GTPBP6: variants seen among roughly 807,000 people sequenced by gnomAD.
The protein encoded by GTPBP6 is putative GTP-binding protein 6.
In GTPBP6, 33 loss-of-function variants were observed where a neutral mutation model predicts 28.9. That is an observed-to-expected ratio of 1.14 (90% CI 0.87 to 1.53). The LOEUF (loss-of-function observed/expected upper bound fraction) is 1.53. Ranked by LOEUF, GTPBP6 falls within the 40% of genes most tolerant of loss-of-function variation. The probability of loss-of-function intolerance (pLI) is 0.00; values close to 1 mark genes in which losing one functional copy is unlikely to be tolerated. For missense variants in GTPBP6, 507 were observed against 408.3 expected (o/e 1.24, Z -2.08); for synonymous variants, 231 against 192.7 (o/e 1.20, Z -1.65).
At chrX:311,398 C>T (rs369569046) in intron 7 of GTPBP6, 21 bp downstream of exon 7, 2 of 1,580,630 alleles carry the variant, frequency 1.3e-6, no homozygotes, top group East Asian at 2.3e-5. Context: ...AGCACCCGAT[C>T]CCCGGCCGTC....
intron 4 of GTPBP6, 30 bp downstream of exon 4, chrX:314,860 G>A (rs1280658277): frequency 5.0e-6 from 2 of 399,602 alleles, no homozygotes; most frequent in East Asian, 3.6e-5. Context: ...TGGACGTGAC[G>A]CTCGGCGCGG....
chrX:307,907 C>G, intron 7 of GTPBP6, 27 bp from the exon 8 acceptor site: 1 of 1,479,262 alleles, frequency 6.8e-7, no homozygotes. Context: ...GGGGTCAGAG[C>G]TGCGGAGCCT....
intron 6 of GTPBP6, 113 bp from the exon 7 acceptor site, chrX:311,740 G>T: frequency 4.8e-6 from 4 of 841,986 alleles, no homozygotes; most frequent in Non-Finnish European, 5.9e-6. Flanking sequence ...GCCGCACCCC[G>T]GGCTACACGG....
At chrX:316,343 A>AC (rs1414595460) in intron 2 of GTPBP6, among the ~76,000 whole-genome samples, 1 of 33,278 alleles carries the variant, frequency 3.0e-5, no homozygotes, top group Non-Finnish European at 9.6e-5. Context: ...CATTGGGGAC[A>AC]CACACACACA....
chrX:315,585 C>G (rs1348453737), intron 2 of GTPBP6, among the ~76,000 whole-genome samples: 563 of 52,724 alleles, frequency 0.011, 3 homozygotes, highest in African/African-American at 0.039. Context: ...CACACACACA[C>G]AGTAAATACA....
At chrX:306,459 GT>G (rs2070167101) in intron 9 of GTPBP6, among the ~76,000 whole-genome samples, 1 of 142,864 alleles carries the variant, frequency 7.0e-6, no homozygotes, top group East Asian at 2.0e-4. Flanking sequence ...TGTATCCACA[GT>G]CAGAAATGTA....
exon 8 of GTPBP6, chrX:307,845 G>A (rs748041843): frequency 5.0e-5 from 77 of 1,543,412 alleles, no homozygotes; most frequent in African/African-American, 1.7e-4. Flanking sequence ...GCTCCGCCTC[G>A]GGGTGGCTGA....
At chrX:307,845 G>T in exon 8 of GTPBP6, 1 of 1,543,530 alleles carries the variant, frequency 6.5e-7, no homozygotes, top group Non-Finnish European at 8.7e-7. Flanking sequence ...GCTCCGCCTC[G>T]GGGTGGCTGA....
intron 2 of GTPBP6, among the ~76,000 whole-genome samples, chrX:315,569 C>CACAG (rs2070415948): frequency 6.7e-6 from 1 of 149,454 alleles, no homozygotes; most frequent in African/African-American, 2.5e-5. Flanking sequence ...CACACACACA[C>CACAG]ACACACACAC....
chrX:318,414 C>T (rs1285771682), intron 1 of GTPBP6, 25 bp downstream of exon 1: 4 of 385,732 alleles, frequency 1.0e-5, no homozygotes, highest in Non-Finnish European at 1.8e-5. Flanking sequence ...TCCTGTTTCT[C>T]CCCCGAAAGC....
exon 10 of GTPBP6, chrX:304,929 G>A: frequency 1.4e-6 from 2 of 1,463,718 alleles, no homozygotes; most frequent in African/African-American, 1.4e-5. Flanking sequence ...GGTCATCCCA[G>A]CAAATGGCTG....
chrX:306,318 TTGAC>T (rs1160606741), intron 9 of GTPBP6, among the ~76,000 whole-genome samples: 2 of 151,116 alleles, frequency 1.3e-5, no homozygotes, highest in African/African-American at 4.9e-5. Context: ...AATGTACATT[TTGAC>T]TGTCAGTGCA....
rs1333313799 is a variant in GTPBP6 at position 314,703 on chromosome X, C to G, written c.689+187G>C. On this transcript the variant is annotated intron_variant, in intron 4 of 9. Transcript: ENST00000326153. ...GTGTTGGCCAGGATGGTCTCGATCT[C>G]GTGACCTCGTGATCCGCCCACCTCG... Among the ~76,000 whole-genome samples the G allele has an allele frequency of 4.6e-5, 7 of 152,050 alleles. No homozygotes were observed. The East Asian group carries it at 1.2e-3, about 25-fold the overall frequency.
intron 2 of GTPBP6, among the ~76,000 whole-genome samples, chrX:316,197 G>C (rs1259951974): frequency 1.5e-4 from 10 of 65,754 alleles, no homozygotes; most frequent in Admixed American, 1.6e-4. Flanking sequence ...CATACACAGA[G>C]ACACACACAA....
chrX:311,545 C>G, exon 7 of GTPBP6: 9 of 1,612,302 alleles, frequency 5.6e-6, no homozygotes, highest in Non-Finnish European at 7.6e-6. Flanking sequence ...CCGCGTGGGC[C>G]GTGACGTCCA....
At chrX:314,839 G>A (rs1457920411) in intron 4 of GTPBP6, 51 bp downstream of exon 4, 7 of 400,056 alleles carry the variant, frequency 1.7e-5, no homozygotes, top group South Asian at 1.2e-4. Context: ...AGAACGGAGG[G>A]GTTCCGGGAG....
intron 4 of GTPBP6, 76 bp from the exon 5 acceptor site, chrX:314,293 G>C (rs1289369574): frequency 9.7e-6 from 12 of 1,232,084 alleles, no homozygotes; most frequent in African/African-American, 1.5e-5. Context: ...TGAAGGTGAA[G>C]GGGGCACTGA....
exon 1 of GTPBP6, chrX:318,761 G>T: frequency 3.2e-6 from 1 of 313,398 alleles, no homozygotes. Context: ...GCAGCCCCGG[G>T]CGTACGGCGG....
chrX:310,303 G>A (rs62580082), intron 7 of GTPBP6, among the ~76,000 whole-genome samples: 19,531 of 74,358 alleles, frequency 0.26, 3,138 homozygotes, highest in African/African-American at 0.44. Context: ...CACAGAGGAG[G>A]AGGCCACAGA....
Sources: allele counts gnomAD v4.1 joint callset (sites outside exome capture counted in the v4.1 genomes callset), GRCh38; gene constraint gnomAD v4.1.1; transcripts MANE v1.5; gene names NCBI Gene and HGNC (gene_info 2026-07-23, HGNC 2026-07-21).